Variants in AP3M2 observed in about 807,000 individuals in gnomAD.
AP3M2 encodes the protein adaptor related protein complex 3 subunit mu 2.
In AP3M2, 28 loss-of-function variants were observed where a neutral mutation model predicts 41.6. That is an observed-to-expected ratio of 0.67 (90% CI 0.50 to 0.92). The LOEUF (loss-of-function observed/expected upper bound fraction) is 0.92, where lower values mean the gene tolerates loss of function less well. Ranked by LOEUF, AP3M2 falls within the 40% of genes least tolerant of loss-of-function variation. The probability of loss-of-function intolerance (pLI) is 0.00; values close to 1 mark genes in which losing one functional copy is unlikely to be tolerated. For missense variants in AP3M2, 427 were observed against 521.4 expected (o/e 0.82, Z 1.76); for synonymous variants, 193 against 186.4 (o/e 1.04, Z -0.29).
Position 42,162,435 on chromosome 8 carries a change from T to C in AP3M2, c.583+17T>C, listed in dbSNP as rs756723772. 8 of 1,588,330 alleles carry C rather than the reference T, an allele frequency of 5.0e-6. No homozygotes were observed. The Admixed American group carries it at 9.1e-5, about 18-fold the overall frequency. On this transcript the variant is annotated intron_variant, in intron 4 of 8. Transcript: ENST00000396926. The stretch of plus-strand genomic sequence containing the variant: ...ATAAATCAGGTAGGTGCTTTTAATA[T>C]GTTCTCAGAAATATGAAAATAGAAA...
intron 3 of AP3M2, among the ~76,000 whole-genome samples, chr8:42,161,222 G>A (rs1462323765): frequency 1.3e-5 from 2 of 152,152 alleles, no homozygotes; most frequent in African/African-American, 4.8e-5. Flanking sequence ...AGGATCACTT[G>A]AGCCCAGGAG....
chr8:42,165,395 A>G (rs1411681858), intron 5 of AP3M2, 32 bp from the exon 6 acceptor site: 1 of 1,608,720 alleles, frequency 6.2e-7, no homozygotes, highest in East Asian at 2.2e-5. Context: ...TTTAATGCCC[A>G]CTTCTTGCTT....
Position 42,169,125 on chromosome 8 carries a change from A to C in AP3M2, c.*64A>C. 3.6e-6 allele frequency: 5 copies of C among 1,389,036 alleles called. No individual in the cohort carries two copies. The highest frequency in any genetic ancestry group is 5.0e-6 in the Non-Finnish European group (5 of 1,001,890). The allele number at this position is 1,389,036 out of a possible 1,614,324, so 86.0% of individuals were successfully genotyped here. ...TCATTTCTTACTTGTCTAAAAGTAA[A>C]AAAAAATATCAGCCTGTCTCCTAGG... On this transcript the variant is annotated 3_prime_UTR_variant, in exon 9 of 9. Transcript: ENST00000396926.
At chr8:42,167,956 C>T in intron 8 of AP3M2, 146 bp downstream of exon 8, 1 of 1,139,222 alleles carries the variant, frequency 8.8e-7, no homozygotes, top group Non-Finnish European at 1.2e-6. Flanking sequence ...AACATCTTTT[C>T]TGGCATGTTT....
At chr8:42,159,416 A>T (rs1564116712) in intron 3 of AP3M2, among the ~76,000 whole-genome samples, 1 of 152,232 alleles carries the variant, frequency 6.6e-6, no homozygotes, top group Non-Finnish European at 1.5e-5. Flanking sequence ...AAACATTGGC[A>T]ATTTGATAGT....
chr8:42,155,041 T>G, intron 2 of AP3M2, 81 bp downstream of exon 2: 1 of 1,183,618 alleles, frequency 8.4e-7, no homozygotes, highest in Non-Finnish European at 1.2e-6. Context: ...AAGCCTCCAT[T>G]AAGAAACTTA....
intron 4 of AP3M2, 94 bp downstream of exon 4, chr8:42,162,512 G>A (rs920916284): frequency 9.8e-6 from 14 of 1,427,322 alleles, no homozygotes; most frequent in Non-Finnish European, 1.2e-5. Flanking sequence ...CCCATTCAAG[G>A]TCATCCACTT....
At chr8:42,155,067 ACT>A in intron 2 of AP3M2, 107 bp downstream of exon 2, 1 of 940,288 alleles carries the variant, frequency 1.1e-6, no homozygotes, top group East Asian at 2.4e-5. Flanking sequence ...AAAAATCAAA[ACT>A]CTGGTATTAC....
intron 1 of AP3M2, 100 bp from the exon 2 acceptor site, chr8:42,154,516 G>T: frequency 1.1e-6 from 1 of 876,862 alleles, no homozygotes; most frequent in Non-Finnish European, 1.7e-6. Flanking sequence ...GGGGAAGATT[G>T]GGCCTGGTCT....
At position 42,154,659 on chromosome 8, in the gene AP3M2, G is replaced by C. The variant is rs775400442; in HGVS notation, c.-29G>C. 1 of 1,608,876 alleles carries C rather than the reference G, an allele frequency of 6.2e-7. No individual in the cohort carries two copies. Among genetic ancestry groups the C allele is most frequent in the Non-Finnish European group, 8.5e-7 (1 of 1,177,550 alleles). ...TCCTGAGGCTTTCAGACTGAAAAAGGCTTTCTTCTGTCACTGACAATCGCC... is the reference window on the plus strand; with the variant it reads ...TCCTGAGGCTTTCAGACTGAAAAAGCCTTTCTTCTGTCACTGACAATCGCC... On this transcript the variant is annotated 5_prime_UTR_variant, in exon 2 of 9. Coordinates refer to ENST00000396926, the MANE Select transcript of AP3M2 (RefSeq NM_006803.4).
At position 42,165,559 on chromosome 8, in the gene AP3M2, A is replaced by G. The variant is rs1363716157; in HGVS notation, c.802A>G (p.Asn268Asp). The change falls in exon 6 of 9, where the codon AAT becomes GAT. Residue 268 changes from asparagine (N) to aspartate (D), a missense_variant and splice_region_variant. By Grantham distance (23) the Asn-to-Asp change is conservative. This residue lies in a region of AP3M2 where 237 missense variants were observed against 284.9 expected (regional missense o/e 0.83). Transcript: ENST00000396926. ...GCTGTCTTACCATGTCAGTGCACAGAAGTAAGCAGCTCTTATAATTAAGAA... is the reference window on the plus strand; with the variant it reads ...GCTGTCTTACCATGTCAGTGCACAGGAGTAAGCAGCTCTTATAATTAAGAA... ...RLLSYHVSAQ[N>D]LVAIPVYVKH... 1 of 1,613,990 alleles carries G rather than the reference A, an allele frequency of 6.2e-7. No individual in the cohort carries two copies. Among genetic ancestry groups the G allele is most frequent in the South Asian group, 1.1e-5 (1 of 91,074 alleles).
chr8:42,159,728 C>G (rs1804454022), intron 3 of AP3M2, among the ~76,000 whole-genome samples: 1 of 152,102 alleles, frequency 6.6e-6, no homozygotes, highest in Admixed American at 6.5e-5. Context: ...ATTAATCATT[C>G]TTTTCATTAA....
intron 5 of AP3M2, 107 bp downstream of exon 5, chr8:42,165,263 C>A: frequency 7.0e-7 from 1 of 1,431,566 alleles, no homozygotes; most frequent in South Asian, 1.3e-5. Context: ...ATTAGGACAG[C>A]CACGAAGCTT....
rs531815211 is a variant in AP3M2 at position 42,170,133 on chromosome 8, C to G, written c.*1072C>G. 1.3e-5 allele frequency: 2 copies of G among 152,296 alleles called. No homozygotes were observed. Among genetic ancestry groups the G allele is most frequent in the African/African-American group, 4.8e-5 (2 of 41,542 alleles). The allele number at this position is 152,296 out of a possible 1,614,324, so 9.4% of individuals were successfully genotyped here. A position where few individuals can be genotyped will look rare whatever the true frequency, so the allele number is the denominator to read the frequency against. On this transcript the variant is annotated 3_prime_UTR_variant, in exon 9 of 9. Transcript: ENST00000396926. ...TGGACTGGTACCAGATCGTAACCTT[C>G]CCGTTGGTCGGAAACTTTTCCATCT...
chr8:42,157,458 G>C (rs530169278), intron 2 of AP3M2, among the ~76,000 whole-genome samples: 1 of 152,250 alleles, frequency 6.6e-6, no homozygotes, highest in South Asian at 2.1e-4. Flanking sequence ...ATAGTCCAAA[G>C]GAATTTTCAG....
chr8:42,169,290 G>T lies in AP3M2; in HGVS notation c.*229G>T. 1 of 397,178 alleles carries T rather than the reference G, an allele frequency of 2.5e-6. No individual in the cohort carries two copies. 24.6% of individuals were successfully genotyped at this position (397,178 alleles called of 1,614,324 possible). On this transcript the variant is annotated 3_prime_UTR_variant, in exon 9 of 9. Transcript: ENST00000396926. ...ACACCAGTTCTCAAGGACAAGGTGT[G>T]TGATGGGGGTAGGAAGCTTGGTGCT...
chr8:42,153,906 TC>T (rs1339253391), intron 1 of AP3M2: 1 of 152,086 alleles, frequency 6.6e-6, no homozygotes, highest in Non-Finnish European at 1.5e-5. Flanking sequence ...TCCCACCAAT[TC>T]TGGTGGGCAG....
intron 8 of AP3M2, chr8:42,168,079 A>G: frequency 1.8e-6 from 1 of 562,872 alleles, no homozygotes; most frequent in Admixed American, 2.5e-5. Context: ...TTCACTAGCC[A>G]TTTTTGGATC....
intron 3 of AP3M2, among the ~76,000 whole-genome samples, chr8:42,159,202 A>G (rs949468181): frequency 6.6e-6 from 1 of 152,212 alleles, no homozygotes; most frequent in Non-Finnish European, 1.5e-5. Flanking sequence ...AATAACAAGG[A>G]TTACCATTCT....
Sources: gnomAD v4.1 joint callset for allele counts (sites outside exome capture counted in the v4.1 genomes callset) on GRCh38, gnomAD v4.1.1 for gene constraint, gnomAD v4.1.1 regional missense constraint, MANE v1.5 for transcripts, NCBI Gene and HGNC (gene_info 2026-07-23, HGNC 2026-07-21) for gene names.